The following CAST variants were observed in gnomAD, a reference collection of about 807,000 sequenced individuals.
The protein encoded by CAST is calpastatin.
CAST carries 76 observed loss-of-function variants against 119.6 expected under a neutral mutation model. That is an observed-to-expected ratio of 0.64 (90% CI 0.53 to 0.77). The LOEUF (loss-of-function observed/expected upper bound fraction) is 0.77, where lower values mean the gene tolerates loss of function less well. CAST is among the 30% of genes least tolerant of loss of function. The pLI is 0.00. For synonymous variants in CAST, 319 were observed against 331.6 expected, an observed-to-expected ratio of 0.96 and a Z score of 0.41; for missense variants, 953 against 946.5, an observed-to-expected ratio of 1.01 and a Z score of -0.09.
the CAST span, among the ~76,000 whole-genome samples, chr5:96,084,977 A>G: frequency 6.6e-6 from 1 of 152,204 alleles, no homozygotes; most frequent in East Asian, 1.9e-4. Context: ...CAAAGGTATA[A>G]AGCGATAGGA....
the CAST span, among the ~76,000 whole-genome samples, chr5:96,202,370 TC>T: frequency 6.6e-6 from 1 of 152,062 alleles, no homozygotes; most frequent in Non-Finnish European, 1.5e-5. Context: ...GAATATTTTT[TC>T]CAGTGACATT....
At chr5:95,976,678 A>G in the CAST span, among the ~76,000 whole-genome samples, 1 of 152,132 alleles carries the variant, frequency 6.6e-6, no homozygotes, top group Non-Finnish European at 1.5e-5. Context: ...TTCTACCTTA[A>G]CTGTCACTAA....
chr5:96,220,394 A>G, the CAST span, among the ~76,000 whole-genome samples: 1 of 152,232 alleles, frequency 6.6e-6, no homozygotes. Context: ...TATTCAGAAC[A>G]TGTTATGTAA....
the CAST span, among the ~76,000 whole-genome samples, chr5:96,266,405 T>C: frequency 1.3e-5 from 2 of 151,934 alleles, no homozygotes; most frequent in Non-Finnish European, 2.9e-5. Flanking sequence ...TAAAGAAATA[T>C]CCCTAAAGAG....
chr5:96,423,780 T>C, the CAST span, among the ~76,000 whole-genome samples: 3 of 152,250 alleles, frequency 2.0e-5, no homozygotes, highest in African/African-American at 4.8e-5. Context: ...CTCAACCCTT[T>C]CATCTATGGA....
chr5:96,577,180 A>G (rs1165387423), intron 1 of CAST, among the ~76,000 whole-genome samples: 2 of 152,076 alleles, frequency 1.3e-5, no homozygotes, highest in Non-Finnish European at 1.5e-5. Context: ...ATTGATTTAT[A>G]TTCTAAGTTG....
At chr5:95,964,798 C>T in the CAST span, among the ~76,000 whole-genome samples, 1 of 151,848 alleles carries the variant, frequency 6.6e-6, no homozygotes, top group South Asian at 2.1e-4. Context: ...TCCTTCCAGT[C>T]CTTATATACA....
chr5:96,329,833 C>T, the CAST span, among the ~76,000 whole-genome samples: 1 of 152,234 alleles, frequency 6.6e-6, no homozygotes, highest in Non-Finnish European at 1.5e-5. Flanking sequence ...AGAAACTCTG[C>T]AAATATTCCT....
At chr5:96,750,820 G>T in intron 20 of CAST, 138 bp downstream of exon 20, 1 of 487,350 alleles carries the variant, frequency 2.1e-6, no homozygotes. Context: ...TATAGTATCT[G>T]TTGTTTCTTT....
intron 1 of CAST, among the ~76,000 whole-genome samples, chr5:96,552,176 C>T (rs1282164334): frequency 6.6e-6 from 1 of 152,180 alleles, no homozygotes; most frequent in African/African-American, 2.4e-5. Context: ...AAGTAAAACA[C>T]TCCTCAGTAA....
chr5:96,418,163 T>A, the CAST span, among the ~76,000 whole-genome samples: 100 of 152,304 alleles, frequency 6.6e-4, no homozygotes, highest in African/African-American at 2.3e-3. Flanking sequence ...CATTGACATG[T>A]TTTCCTCCTC....
the CAST span, among the ~76,000 whole-genome samples, chr5:96,475,866 G>A: frequency 1.3e-5 from 2 of 152,168 alleles, no homozygotes; most frequent in Non-Finnish European, 2.9e-5. Context: ...TGCAGGTCAC[G>A]GGTCACCCGT....
chr5:96,013,869 C>T, the CAST span, among the ~76,000 whole-genome samples: 1 of 151,944 alleles, frequency 6.6e-6, no homozygotes, highest in Non-Finnish European at 1.5e-5. Flanking sequence ...CTGGGTGAGT[C>T]AATAAGTGAA....
At chr5:96,523,693 C>G (rs1745553663), upstream of CAST, among the ~76,000 whole-genome samples, 1 of 152,184 alleles carries the variant, frequency 6.6e-6, no homozygotes, top group Non-Finnish European at 1.5e-5. Flanking sequence ...CTATATCAGT[C>G]CTTCTGCTCT....
intron 3 of CAST, among the ~76,000 whole-genome samples, chr5:96,710,039 A>G (rs1005671741): frequency 2.0e-5 from 3 of 152,204 alleles, no homozygotes; most frequent in African/African-American, 7.2e-5. Flanking sequence ...TTAGGGACAT[A>G]AGACTAAAGA....
the CAST span, among the ~76,000 whole-genome samples, chr5:96,063,047 A>G: frequency 3.3e-5 from 5 of 152,216 alleles, no homozygotes; most frequent in Admixed American, 2.6e-4. Flanking sequence ...GAGATGACCA[A>G]TCAGAATCTT....
the CAST span, among the ~76,000 whole-genome samples, chr5:96,249,483 A>G: frequency 1.3e-5 from 2 of 152,252 alleles, no homozygotes; most frequent in African/African-American, 2.4e-5. Context: ...AATTTAAAGC[A>G]TGTAGCTCAG....
intron 24 of CAST, among the ~76,000 whole-genome samples, chr5:96,760,525 T>C (rs1353125768): frequency 6.6e-6 from 1 of 151,912 alleles, no homozygotes; most frequent in African/African-American, 2.4e-5. Flanking sequence ...CTGCTTATTA[T>C]CACATGGAAG....
chr5:96,190,971 G>C, the CAST span, among the ~76,000 whole-genome samples: 1 of 152,292 alleles, frequency 6.6e-6, no homozygotes, highest in East Asian at 1.9e-4. Context: ...ATAAATGACA[G>C]TATGGGGTAT....
Sources: gnomAD v4.1 joint callset for allele counts (sites outside exome capture counted in the v4.1 genomes callset) on GRCh38, gnomAD v4.1.1 for gene constraint, MANE v1.5 for transcripts, NCBI Gene and HGNC (gene_info 2026-07-23, HGNC 2026-07-21) for gene names.